Variants in JARID2 observed in about 807,000 individuals in gnomAD.
JARID2 encodes protein Jumonji.
JARID2 carries 21 observed loss-of-function variants against 125.6 expected under a neutral mutation model. That is an observed-to-expected ratio of 0.17 (90% CI 0.12 to 0.24). The LOEUF is 0.24. Ranked by LOEUF, JARID2 falls within the 10% of genes least tolerant of loss-of-function variation. The probability of loss-of-function intolerance (pLI) is 1.00; values close to 1 mark genes in which losing one functional copy is unlikely to be tolerated. For synonymous variants in JARID2, 736 were observed against 661.6 expected (o/e 1.11, Z -1.73); for missense variants, 1,303 against 1,639.6 (o/e 0.79, Z 3.55).
rs1771643599 is a variant in JARID2 at position 15,517,926 on chromosome 6, G to A, written c.3558+658G>A. On this transcript the variant is annotated intron_variant, in intron 17 of 17. Coordinates refer to ENST00000341776, the MANE Select transcript of JARID2 (RefSeq NM_004973.4). The stretch of plus-strand genomic sequence containing the variant: ...GCCACATTGTGGTCATTGCACATTT[G>A]AGGCCACTGAGTGGGGTGGGTGCTG... Among the ~76,000 whole-genome samples, 4 of 152,352 alleles carry A rather than the reference G, an allele frequency of 2.6e-5. No homozygotes were observed. In the South Asian group the frequency reaches 6.2e-4, roughly 24 times the overall value.
intron 1 of JARID2, among the ~76,000 whole-genome samples, chr6:15,361,927 T>C (rs1309796999): frequency 1.4e-5 from 2 of 141,672 alleles, no homozygotes; most frequent in African/African-American, 5.4e-5. Context: ...TGAGATGGAG[T>C]CTTGATCTCC....
chr6:15,496,423 A>G lies in JARID2; in HGVS notation c.1198A>G (p.Thr400Ala). 6.2e-7 allele frequency: 1 copy of G among 1,613,614 alleles called. No homozygotes were observed. The highest frequency in any genetic ancestry group is 8.5e-7 in the Non-Finnish European group (1 of 1,179,884). The change falls in exon 7 of 18, where the codon ACT becomes GCT. Residue 400 changes from threonine (T) to alanine (A), a missense_variant. Thr to Ala is a moderately conservative substitution (Grantham distance 58). This residue lies in a region of JARID2 where 651 missense variants were observed against 581.6 expected (regional missense o/e 1.12). Transcript: ENST00000341776. ...VLSLGGASKS[T>A]GPAVNGLKVS... is the part of the protein sequence containing the mutation. ...ATCCCTCGGGGGGGCGTCCAAGTCC[A>G]CTGGGCCCGCCGTCAATGGCCTCAA...
At chr6:15,440,842 G>T (rs932800580) in intron 3 of JARID2, among the ~76,000 whole-genome samples, 5 of 152,196 alleles carry the variant, frequency 3.3e-5, no homozygotes, top group African/African-American at 1.2e-4. Flanking sequence ...TTTAAATTAT[G>T]ATTGTGTTTC....
At chr6:15,302,181 C>T (rs1011336103) in intron 1 of JARID2, among the ~76,000 whole-genome samples, 3 of 152,032 alleles carry the variant, frequency 2.0e-5, no homozygotes, top group African/African-American at 7.2e-5. Context: ...TTTGGGAGGC[C>T]GAGGTGGGCA....
At chr6:15,454,386 G>A (rs1287032240) in intron 4 of JARID2, among the ~76,000 whole-genome samples, 1 of 152,186 alleles carries the variant, frequency 6.6e-6, no homozygotes, top group Non-Finnish European at 1.5e-5. Context: ...AAATTTTGTA[G>A]CCCTTGTCGG....
chr6:15,381,341 CAA>C (rs11358363), intron 2 of JARID2, among the ~76,000 whole-genome samples: 5,878 of 92,992 alleles, frequency 0.063, 190 homozygotes, highest in African/African-American at 0.14. Context: ...ACTCCTGTCT[CAA>C]AAAAAAAAAA....
At chr6:15,279,639 C>G (rs1445067224) in intron 1 of JARID2, among the ~76,000 whole-genome samples, 1 of 152,224 alleles carries the variant, frequency 6.6e-6, no homozygotes, top group East Asian at 1.9e-4. Context: ...GCACAACTTT[C>G]TTGTACTTCA....
At chr6:15,504,656 C>T (rs1455981591) in intron 9 of JARID2, 64 bp downstream of exon 9, 4 of 1,056,078 alleles carry the variant, frequency 3.8e-6, no homozygotes, top group African/African-American at 1.6e-5. Flanking sequence ...AGCTGGAGGA[C>T]ATCCTGTCCT....
At chr6:15,516,486 G>A (rs779490158) in intron 16 of JARID2, among the ~76,000 whole-genome samples, 3 of 152,236 alleles carry the variant, frequency 2.0e-5, no homozygotes, top group Non-Finnish European at 4.4e-5. Flanking sequence ...GGTGTCCACT[G>A]GCGGGACAGC....
At chr6:15,408,433 C>T (rs947329638) in intron 2 of JARID2, among the ~76,000 whole-genome samples, 2 of 152,000 alleles carry the variant, frequency 1.3e-5, no homozygotes, top group East Asian at 3.9e-4. Flanking sequence ...GTTCCTTGGC[C>T]AACTCTAATC....
At chr6:15,298,526 A>G (rs1376228694) in intron 1 of JARID2, among the ~76,000 whole-genome samples, 1 of 151,948 alleles carries the variant, frequency 6.6e-6, no homozygotes, top group Non-Finnish European at 1.5e-5. Context: ...GGAAAAATAC[A>G]AAAATTAGCT....
intron 3 of JARID2, among the ~76,000 whole-genome samples, chr6:15,444,418 G>A (rs1484756967): frequency 4.6e-5 from 7 of 152,170 alleles, no homozygotes; most frequent in Non-Finnish European, 5.9e-5. Context: ...TGGTTTGCTC[G>A]CAACCGCACT....
rs3841758 is a variant in JARID2, at chr6:15,473,514, G to GCCCCC, written c.670+4808_670+4812dup. On this transcript the variant is annotated intron_variant, in intron 5 of 17. Transcript: ENST00000341776. Reference sequence around the variant, plus strand: ...GTCTCCCTTGTCTTCTGATGTGCGTGCCCCCCCCCCCCCCCCGCTTTGTGT... The same window carrying GCCCCC: ...GTCTCCCTTGTCTTCTGATGTGCGTGCCCCCCCCCCCCCCCCCCCCCGCTTTGTGT... Among the ~76,000 whole-genome samples the GCCCCC allele has an allele frequency of 6.0e-4, 21 of 35,060 alleles. 2 individuals carry two copies. The highest frequency in any genetic ancestry group is 9.7e-4 in the Non-Finnish European group (13 of 13,438). The allele number at this position is 35,060 out of a possible 152,430, so 23.0% of individuals were successfully genotyped here.
chr6:15,494,828 C>T (rs1289700093), intron 6 of JARID2, among the ~76,000 whole-genome samples: 1 of 152,190 alleles, frequency 6.6e-6, no homozygotes, highest in East Asian at 1.9e-4. Context: ...GCCTGCACAG[C>T]CTTGTGGTGG....
intron 2 of JARID2, among the ~76,000 whole-genome samples, chr6:15,409,888 A>G (rs1214736403): frequency 6.6e-6 from 1 of 152,210 alleles, no homozygotes; most frequent in South Asian, 2.1e-4. Flanking sequence ...TAGTTTGATA[A>G]CAGATACTCC....
chr6:15,512,474 G>C (rs773880912), intron 14 of JARID2, 84 bp downstream of exon 14: 1 of 1,253,386 alleles, frequency 8.0e-7, no homozygotes, highest in Non-Finnish European at 1.1e-6. Context: ...GCATCCCTGC[G>C]TGTGCGTGTC....
chr6:15,419,388 T>TA (rs2127584657), intron 3 of JARID2, among the ~76,000 whole-genome samples: 1 of 152,298 alleles, frequency 6.6e-6, no homozygotes, highest in Non-Finnish European at 1.5e-5. Flanking sequence ...TGGAAGTAAA[T>TA]ATAAAGTAAA....
Position 15,520,633 on chromosome 6 carries a change from T to A in JARID2, c.*382T>A. On this transcript the variant is annotated 3_prime_UTR_variant, in exon 18 of 18. Transcript: ENST00000341776. ...AAGAGGGTGAAGTTTGGAGAACAAA[T>A]TTAAAAACCATCAGTCATGTGAGCA... 1 of 277,280 alleles carries A rather than the reference T, an allele frequency of 3.6e-6. No homozygotes were observed. The highest frequency in any genetic ancestry group is 3.0e-5 in the South Asian group (1 of 33,690). 17.2% of individuals were successfully genotyped at this position (277,280 alleles called of 1,614,324 possible).
chr6:15,360,124 T>C (rs1311109410), intron 1 of JARID2, among the ~76,000 whole-genome samples: 1 of 152,140 alleles, frequency 6.6e-6, no homozygotes, highest in African/African-American at 2.4e-5. Context: ...TCCAAGACTC[T>C]TCTGTGTTAG....
Sources: allele counts gnomAD v4.1 joint callset (sites outside exome capture counted in the v4.1 genomes callset), GRCh38; gene constraint gnomAD v4.1.1; regional missense constraint gnomAD v4.1.1; transcripts MANE v1.5; gene names NCBI Gene and HGNC (gene_info 2026-07-23, HGNC 2026-07-21).